FGF14: variants seen among roughly 807,000 people sequenced by gnomAD.
FGF14 encodes fibroblast growth factor homologous factor 4.
FGF14 carries 5 observed loss-of-function variants against 25.5 expected under a neutral mutation model. The observed-to-expected ratio is 0.20, with a 90% CI of 0.10 to 0.41. FGF14 has a LOEUF of 0.41. FGF14 is among the 10% of genes least tolerant of loss of function. The pLI, the probability that FGF14 is intolerant of heterozygous loss-of-function variation, is 1.00. For synonymous variants in FGF14, 138 were observed against 118.3 expected (o/e 1.17, Z -1.08); for missense variants, 222 against 320.1 (o/e 0.69, Z 2.34).
chr13:101,722,777 A>G lies in FGF14; in HGVS notation c.*54T>C. ...CGGAGCAGGAATGTCTGGTGAGGATAAATCACTCAACTGTGCTCAGGACGA... is the reference window on the plus strand; with the variant it reads ...CGGAGCAGGAATGTCTGGTGAGGATGAATCACTCAACTGTGCTCAGGACGA... On this transcript the variant is annotated 3_prime_UTR_variant, in exon 5 of 5. Transcript: ENST00000376143. 1.2e-6 allele frequency: 2 copies of G among 1,608,566 alleles called. No homozygotes were observed. Among genetic ancestry groups the G allele is most frequent in the South Asian group, 1.1e-5 (1 of 90,934 alleles).
At chr13:101,817,880 G>C (rs1177195429) in intron 3 of FGF14, among the ~76,000 whole-genome samples, 1 of 152,156 alleles carries the variant, frequency 6.6e-6, no homozygotes, top group African/African-American at 2.4e-5. Context: ...TGGTTCTGAT[G>C]ATGAAAACAA....
At chr13:101,856,859 T>C (rs775196156) in intron 3 of FGF14, among the ~76,000 whole-genome samples, 4 of 152,014 alleles carry the variant, frequency 2.6e-5, no homozygotes, top group African/African-American at 7.2e-5. Context: ...TTTTGAACCA[T>C]AACACAGTAT....
chr13:102,260,494 G>A (rs1474696930), intron 1 of FGF14, among the ~76,000 whole-genome samples: 1 of 152,240 alleles, frequency 6.6e-6, no homozygotes, highest in Non-Finnish European at 1.5e-5. Flanking sequence ...GTTCCATGGG[G>A]AGTATCGGAA....
chr13:102,074,623 G>A (rs558758626), intron 1 of FGF14, among the ~76,000 whole-genome samples: 1 of 152,164 alleles, frequency 6.6e-6, no homozygotes, highest in South Asian at 2.1e-4. Flanking sequence ...GCTAGAAAAC[G>A]ACACTACAAG....
At chr13:102,257,938 T>C (rs1251787356) in intron 1 of FGF14, among the ~76,000 whole-genome samples, 1 of 152,158 alleles carries the variant, frequency 6.6e-6, no homozygotes, top group Non-Finnish European at 1.5e-5. Context: ...TCTGTTCTCA[T>C]GCTACTGATG....
At chr13:102,026,932 T>C (rs1330807457) in intron 1 of FGF14, among the ~76,000 whole-genome samples, 1 of 152,046 alleles carries the variant, frequency 6.6e-6, no homozygotes, top group Non-Finnish European at 1.5e-5. Flanking sequence ...ATAGCTTGAC[T>C]TAGATTCTGT....
rs575367201 is a variant in FGF14, at chr13:101,871,501, T to C, written c.305-2673A>G. On this transcript the variant is annotated intron_variant, in intron 2 of 4. Transcript: ENST00000376143. ...TGGCCACTGAGTGATCGAAATATTTTACACATCAAGTTACCAGGTTGAGCA... is the reference window on the plus strand; with the variant it reads ...TGGCCACTGAGTGATCGAAATATTTCACACATCAAGTTACCAGGTTGAGCA... Among the ~76,000 whole-genome samples, 4 of 152,218 alleles carry C rather than the reference T, an allele frequency of 2.6e-5. No individual in the cohort carries two copies. In the East Asian group the frequency reaches 7.7e-4, roughly 29 times the overall value.
intron 1 of FGF14, among the ~76,000 whole-genome samples, chr13:101,953,602 T>C (rs1048218752): frequency 4.1e-5 from 6 of 147,842 alleles, no homozygotes; most frequent in African/African-American, 1.5e-4. Flanking sequence ...TTTATTTTTT[T>C]TTTTTGAGAT....
chr13:101,870,995 C>CATAT (rs1180324328), intron 2 of FGF14, among the ~76,000 whole-genome samples: 23 of 152,008 alleles, frequency 1.5e-4, no homozygotes, highest in African/African-American at 4.6e-4. Flanking sequence ...TACATACATA[C>CATAT]ATACATACAT....
chr13:102,296,400 A>AG (rs1364720934), intron 1 of FGF14, among the ~76,000 whole-genome samples: 1 of 152,138 alleles, frequency 6.6e-6, no homozygotes, highest in Non-Finnish European at 1.5e-5. Context: ...CCGTATTGGA[A>AG]TCACTTTGCA....
intron 3 of FGF14, among the ~76,000 whole-genome samples, chr13:101,865,400 T>C (rs1012988137): frequency 6.6e-6 from 1 of 152,160 alleles, no homozygotes; most frequent in Non-Finnish European, 1.5e-5. Flanking sequence ...ATTATTACTC[T>C]GACAGTTTCT....
intron 1 of FGF14, among the ~76,000 whole-genome samples, chr13:102,202,904 G>T (rs1045810743): frequency 6.6e-6 from 1 of 152,152 alleles, no homozygotes; most frequent in South Asian, 2.1e-4. Flanking sequence ...CAAAGAAATG[G>T]AGAATGGGCA....
chr13:102,351,288 GA>G (rs948167744), intron 1 of FGF14, among the ~76,000 whole-genome samples: 13 of 146,428 alleles, frequency 8.9e-5, no homozygotes, highest in African/African-American at 2.2e-4. Context: ...AATCATAACA[GA>G]AAAAAAAAAC....
At chr13:101,832,552 A>G (rs1234873628) in intron 3 of FGF14, among the ~76,000 whole-genome samples, 1 of 152,042 alleles carries the variant, frequency 6.6e-6, no homozygotes, top group Non-Finnish European at 1.5e-5. Context: ...AGGAGGAGAC[A>G]AGACACGATG....
At chr13:102,020,117 T>G (rs1008453773) in intron 1 of FGF14, among the ~76,000 whole-genome samples, 6 of 151,978 alleles carry the variant, frequency 3.9e-5, no homozygotes, top group African/African-American at 1.2e-4. Flanking sequence ...CATACTAGAG[T>G]GAATTTCTGA....
chr13:102,226,541 A>G (rs575031297), intron 1 of FGF14, among the ~76,000 whole-genome samples: 6 of 152,314 alleles, frequency 3.9e-5, no homozygotes, highest in South Asian at 4.1e-4. Flanking sequence ...TCAACATTTC[A>G]GCTTCAATAC....
At chr13:102,250,033 G>C (rs1020667312) in intron 1 of FGF14, among the ~76,000 whole-genome samples, 5 of 152,128 alleles carry the variant, frequency 3.3e-5, no homozygotes, top group African/African-American at 1.2e-4. Flanking sequence ...GCCTATGTAA[G>C]AAGACCACCC....
At chr13:101,915,652 A>G (rs1052172580) in intron 1 of FGF14, among the ~76,000 whole-genome samples, 5 of 152,332 alleles carry the variant, frequency 3.3e-5, no homozygotes, top group Admixed American at 2.6e-4. Flanking sequence ...TAGTTTCTCA[A>G]AGAAATACCT....
chr13:102,205,693 C>G (rs906279310), intron 1 of FGF14, among the ~76,000 whole-genome samples: 4 of 148,950 alleles, frequency 2.7e-5, no homozygotes, highest in African/African-American at 1.0e-4. Context: ...GGGAAAGAAA[C>G]ATGAAAGCAT....
Sources: gnomAD v4.1 joint callset for allele counts (sites outside exome capture counted in the v4.1 genomes callset) on GRCh38, gnomAD v4.1.1 for gene constraint, MANE v1.5 for transcripts, NCBI Gene and HGNC (gene_info 2026-07-23, HGNC 2026-07-21) for gene names.